The following HCRTR2 variants were observed in gnomAD, a reference collection of about 807,000 sequenced individuals.
The protein encoded by HCRTR2 is orexin receptor type 2.
HCRTR2 carries 22 observed loss-of-function variants against 49.0 expected under a neutral mutation model. The ratio of observed to expected loss-of-function variants is 0.45; its 90% confidence interval spans 0.32 to 0.64. The LOEUF (loss-of-function observed/expected upper bound fraction) is 0.64, where lower values mean the gene tolerates loss of function less well. HCRTR2 is among the 30% of genes least tolerant of loss of function. The probability of loss-of-function intolerance (pLI) is 0.04; values close to 1 mark genes in which losing one functional copy is unlikely to be tolerated. For missense variants in HCRTR2, 491 were observed against 559.4 expected (o/e 0.88, Z 1.23); for synonymous variants, 236 against 205.3 (o/e 1.15, Z -1.28).
At chr6:55,172,845 C>A (rs1051756811), upstream of HCRTR2, among the ~76,000 whole-genome samples, 1 of 152,022 alleles carries the variant, frequency 6.6e-6, no homozygotes, top group South Asian at 2.1e-4. Flanking sequence ...GGGTAGTTAA[C>A]TAAATCTCAG....
intron 1 of HCRTR2, among the ~76,000 whole-genome samples, chr6:55,193,772 G>A (rs755365749): frequency 1.3e-5 from 2 of 151,912 alleles, no homozygotes; most frequent in Non-Finnish European, 2.9e-5. Flanking sequence ...GACCTATTTA[G>A]GTTAGCATCA....
intron 1 of HCRTR2, among the ~76,000 whole-genome samples, chr6:55,183,670 G>A (rs1382093335): frequency 6.6e-6 from 1 of 152,144 alleles, no homozygotes; most frequent in Non-Finnish European, 1.5e-5. Flanking sequence ...ACTGGGGTTT[G>A]CATCCTGTTT....
At chr6:55,212,318 C>T (rs943609263) in intron 1 of HCRTR2, among the ~76,000 whole-genome samples, 15 of 152,108 alleles carry the variant, frequency 9.9e-5, no homozygotes, top group African/African-American at 3.1e-4. Flanking sequence ...ATTCCATTCC[C>T]CCTTTTTTAT....
chr6:55,214,373 C>T (rs945566320), intron 1 of HCRTR2, among the ~76,000 whole-genome samples: 3 of 152,188 alleles, frequency 2.0e-5, no homozygotes, highest in East Asian at 1.9e-4. Flanking sequence ...ACTTTGTCAC[C>T]CAGACTTGAG....
At chr6:55,108,075 G>C (rs1246347263) in intron 1 of HCRTR2, among the ~76,000 whole-genome samples, 3 of 151,954 alleles carry the variant, frequency 2.0e-5, no homozygotes, top group African/African-American at 7.2e-5. Context: ...GATGATAAGA[G>C]GTAAAACTAA....
intron 1 of HCRTR2, among the ~76,000 whole-genome samples, chr6:55,126,990 C>T (rs1764287609): frequency 6.6e-6 from 1 of 152,114 alleles, no homozygotes; most frequent in Non-Finnish European, 1.5e-5. Context: ...TTCAGTGGAT[C>T]TTAGTTTGCT....
intron 3 of HCRTR2, among the ~76,000 whole-genome samples, chr6:55,256,177 A>G (rs1766648776): frequency 6.6e-6 from 1 of 152,114 alleles, no homozygotes; most frequent in Admixed American, 6.6e-5. Context: ...TCAGCATAGC[A>G]TGCACTGATT....
intron 1 of HCRTR2, among the ~76,000 whole-genome samples, chr6:55,157,254 CA>C (rs1309198702): frequency 6.6e-6 from 1 of 152,056 alleles, no homozygotes; most frequent in Admixed American, 6.6e-5. Flanking sequence ...ATGAAAATAA[CA>C]AAACAATTCC....
intron 1 of HCRTR2, among the ~76,000 whole-genome samples, chr6:55,163,542 A>T (rs963333974): frequency 5.3e-5 from 8 of 152,198 alleles, no homozygotes; most frequent in Admixed American, 5.2e-4. Flanking sequence ...TTCCTATTTA[A>T]TAAATGTTGT....
At chr6:55,138,660 T>A (rs1764463830) in intron 1 of HCRTR2, among the ~76,000 whole-genome samples, 1 of 152,220 alleles carries the variant, frequency 6.6e-6, no homozygotes, top group Non-Finnish European at 1.5e-5. Context: ...GAATTTTTAC[T>A]GTGTCATTTT....
chr6:55,129,893 C>G (rs1414574940), intron 1 of HCRTR2, among the ~76,000 whole-genome samples: 4 of 151,972 alleles, frequency 2.6e-5, no homozygotes, highest in Admixed American at 2.6e-4. Context: ...TTTACTTTAA[C>G]CCCTTAGTCT....
intron 1 of HCRTR2, among the ~76,000 whole-genome samples, chr6:55,226,711 G>GTTTTTTTTTTT (rs777871106): frequency 1.1e-4 from 8 of 74,256 alleles, no homozygotes; most frequent in African/African-American, 4.8e-4. Context: ...AATTCCAGGT[G>GTTTTTTTTTTT]TTTTTTTTTT....
At chr6:55,282,118 C>A in intron 6 of HCRTR2, 107 bp from the exon 7 acceptor site, 2 of 776,570 alleles carry the variant, frequency 2.6e-6, no homozygotes, top group Non-Finnish European at 4.5e-6. Context: ...AAATATTACA[C>A]CTCATTGTTA....
chr6:55,109,634 G>T (rs552077687), intron 1 of HCRTR2, among the ~76,000 whole-genome samples: 2 of 151,524 alleles, frequency 1.3e-5, no homozygotes, highest in Non-Finnish European at 1.5e-5. Flanking sequence ...AGAGCCCAAA[G>T]ACAAGGATTT....
chr6:55,111,263 A>G (rs530141947), intron 1 of HCRTR2, among the ~76,000 whole-genome samples: 1 of 152,230 alleles, frequency 6.6e-6, no homozygotes, highest in South Asian at 2.1e-4. Context: ...TCAAGGAACT[A>G]GAGAAACAAG....
chr6:55,184,633 T>C (rs929854261), intron 1 of HCRTR2, among the ~76,000 whole-genome samples: 2 of 152,180 alleles, frequency 1.3e-5, no homozygotes, highest in African/African-American at 2.4e-5. Context: ...CTTAGGGAAT[T>C]TCCGTGAATA....
intron 1 of HCRTR2, among the ~76,000 whole-genome samples, chr6:55,139,552 A>T (rs961610205): frequency 6.6e-6 from 1 of 152,184 alleles, no homozygotes; most frequent in Non-Finnish European, 1.5e-5. Flanking sequence ...GATAAATTCC[A>T]AAATCTTTAA....
intron 1 of HCRTR2, among the ~76,000 whole-genome samples, chr6:55,178,750 C>T (rs1765082902): frequency 6.6e-6 from 1 of 152,206 alleles, no homozygotes; most frequent in African/African-American, 2.4e-5. Flanking sequence ...ACTAGCTCCA[C>T]CCACCCATCT....
At position 55,269,064 on chromosome 6, in the gene HCRTR2, T is replaced by G. The variant is rs567880452; in HGVS notation, c.762+5242T>G. Among the ~76,000 whole-genome samples, 450 of 128,122 alleles carry G rather than the reference T, an allele frequency of 3.5e-3. 1 individual carries two copies. The highest frequency in any genetic ancestry group is 4.9e-3 in the Non-Finnish European group (316 of 64,308). The allele number at this position is 128,122 out of a possible 152,430, so 84.1% of individuals were successfully genotyped here. A position where few individuals can be genotyped will look rare whatever the true frequency, so the allele number is the denominator to read the frequency against. ...GAGATCGTGCCACTGCACTCCAGCC[T>G]GGGCAACAGCAAGACTCCGTCTCAA... On this transcript the variant is annotated intron_variant, in intron 4 of 6. Coordinates refer to ENST00000370862, the MANE Select transcript of HCRTR2 (RefSeq NM_001384272.1).
Sources: gnomAD v4.1 joint callset for allele counts (sites outside exome capture counted in the v4.1 genomes callset) on GRCh38, gnomAD v4.1.1 for gene constraint, MANE v1.5 for transcripts, NCBI Gene and HGNC (gene_info 2026-07-23, HGNC 2026-07-21) for gene names.